SHANK2: variants seen among roughly 807,000 people sequenced by gnomAD.
SHANK2 encodes SH3 and multiple ankyrin repeat domains 2.
A neutral mutation model predicts 133.7 loss-of-function variants in SHANK2; 43 were observed. The ratio of observed to expected loss-of-function variants is 0.32; its 90% confidence interval spans 0.25 to 0.41. The LOEUF is 0.41. Among genes scored for constraint, SHANK2 ranks in the 10% least tolerant of loss-of-function variants. The probability of loss-of-function intolerance (pLI) is 1.00; values close to 1 mark genes in which losing one functional copy is unlikely to be tolerated. For synonymous variants in SHANK2, 1,017 were observed against 952.8 expected (o/e 1.07, Z -1.24); for missense variants, 1,994 against 2,235.8 (o/e 0.89, Z 2.18).
intron 11 of SHANK2, among the ~76,000 whole-genome samples, chr11:70,846,377 C>T (rs1339526844): frequency 2.6e-5 from 4 of 152,110 alleles, no homozygotes; most frequent in Non-Finnish European, 5.9e-5. Flanking sequence ...GATCCTCCTG[C>T]CTCGGCCTCC....
intron 17 of SHANK2, among the ~76,000 whole-genome samples, chr11:70,529,777 G>C (rs552446047): frequency 6.6e-6 from 1 of 152,256 alleles, no homozygotes; most frequent in Non-Finnish European, 1.5e-5. Context: ...CATGTGAAAG[G>C]AATCAGACAC....
chr11:70,908,461 G>A (rs1590820894), intron 10 of SHANK2, among the ~76,000 whole-genome samples: 1 of 152,220 alleles, frequency 6.6e-6, no homozygotes, highest in African/African-American at 2.4e-5. Flanking sequence ...CCTGTGCATG[G>A]GAGTGGCTGC....
At chr11:70,838,965 T>C (rs1275226019) in intron 11 of SHANK2, among the ~76,000 whole-genome samples, 1 of 152,182 alleles carries the variant, frequency 6.6e-6, no homozygotes, top group Non-Finnish European at 1.5e-5. Context: ...GCATCTCTAG[T>C]TCTGTCTGCT....
At chr11:70,913,835 G>C (rs782413895) in intron 10 of SHANK2, among the ~76,000 whole-genome samples, 4 of 152,108 alleles carry the variant, frequency 2.6e-5, no homozygotes, top group African/African-American at 4.8e-5. Context: ...CTGTGCTTCT[G>C]GTTCAATCAG....
chr11:71,110,016 G>A lies in SHANK2; in HGVS notation c.517C>T (p.His173Tyr). Residue 173 changes from histidine (H) to tyrosine (Y), a missense_variant, in exon 6 of 26, where the codon CAT becomes TAT. Coordinates refer to ENST00000601538, the MANE Select transcript of SHANK2 (RefSeq NM_012309.5). Reference protein sequence around the residue: ...NLKKCMDHIQHRLVEKITKML... With the variant: ...NLKKCMDHIQYRLVEKITKML... ...TTGGTGATCTTCTCCACCAAGCGAT[G>A]CTGAATGTGATCCATGCATTTCTTC... is the stretch of plus-strand genomic sequence containing the variant. 1.3e-6 allele frequency: 2 copies of A among 1,551,592 alleles called. No homozygotes were observed. The highest frequency in any genetic ancestry group is 1.7e-6 in the Non-Finnish European group (2 of 1,146,818).
At chr11:70,629,090 T>G (rs1471350858) in intron 17 of SHANK2, among the ~76,000 whole-genome samples, 1 of 152,188 alleles carries the variant, frequency 6.6e-6, no homozygotes, top group Non-Finnish European at 1.5e-5. Context: ...ACGTGCTCAC[T>G]GCAGCCTGAA....
At chr11:70,718,756 C>T (rs1555028196) in intron 14 of SHANK2, among the ~76,000 whole-genome samples, 1 of 137,106 alleles carries the variant, frequency 7.3e-6, no homozygotes. Context: ...GGACAGAAGC[C>T]CTCACCTTCC....
intron 23 of SHANK2, chr11:70,490,072 A>G (rs2058864149): frequency 2.2e-6 from 1 of 463,346 alleles, no homozygotes; most frequent in South Asian, 2.1e-5. Flanking sequence ...AGGGGGGATG[A>G]GTTTCATGCC....
chr11:71,222,056 C>A (rs1015977902), intron 2 of SHANK2, among the ~76,000 whole-genome samples: 10 of 152,040 alleles, frequency 6.6e-5, no homozygotes, highest in Admixed American at 5.2e-4. Flanking sequence ...TCTGGCTCAC[C>A]CTTCCCTGCA....
At chr11:70,671,309 C>T (rs1555016000) in intron 15 of SHANK2, among the ~76,000 whole-genome samples, 1 of 152,046 alleles carries the variant, frequency 6.6e-6, no homozygotes, top group African/African-American at 2.4e-5. Context: ...AGAATGCCGG[C>T]CTTGGAAGCT....
intron 13 of SHANK2, among the ~76,000 whole-genome samples, chr11:70,799,079 TC>T (rs1555049889): frequency 6.6e-6 from 1 of 152,128 alleles, no homozygotes; most frequent in Non-Finnish European, 1.5e-5. Context: ...GTCTGGATCT[TC>T]TAAACAAGCG....
At chr11:71,141,961 G>C (rs188027225) in intron 3 of SHANK2, among the ~76,000 whole-genome samples, 1 of 149,096 alleles carries the variant, frequency 6.7e-6, no homozygotes, top group South Asian at 2.1e-4. Flanking sequence ...AACCTCCAAC[G>C]GTCTCTGAGC....
At chr11:70,489,887 G>A (rs2058860406) in intron 23 of SHANK2, 2 of 313,750 alleles carry the variant, frequency 6.4e-6, no homozygotes, top group African/African-American at 4.3e-5. Flanking sequence ...TCCAGGCCTG[G>A]TGGTGGCTGG....
At chr11:71,091,908 A>T (rs1555094093) in intron 8 of SHANK2, among the ~76,000 whole-genome samples, 1 of 152,194 alleles carries the variant, frequency 6.6e-6, no homozygotes, top group Non-Finnish European at 1.5e-5. Flanking sequence ...TTCACTGGAG[A>T]CAGCCGGTGA....
At chr11:70,831,400 CA>C (rs1382865164) in intron 11 of SHANK2, among the ~76,000 whole-genome samples, 5 of 152,286 alleles carry the variant, frequency 3.3e-5, no homozygotes, top group African/African-American at 1.2e-4. Context: ...CTCAGCCACC[CA>C]ACCTGGCTCT....
intron 14 of SHANK2, among the ~76,000 whole-genome samples, chr11:70,784,936 T>G (rs78791152): frequency 0.041 from 6,227 of 152,306 alleles, 428 homozygotes; most frequent in African/African-American, 0.14. Context: ...CCCTGCAGGC[T>G]GAGCTGTCAG....
intron 12 of SHANK2, among the ~76,000 whole-genome samples, chr11:70,816,140 C>T (rs1281965721): frequency 2.0e-5 from 3 of 152,348 alleles, no homozygotes; most frequent in East Asian, 1.9e-4. Flanking sequence ...TCTGCAGAAC[C>T]GAAGACTGTC....
intron 11 of SHANK2, among the ~76,000 whole-genome samples, chr11:70,885,973 C>T (rs1331533383): frequency 6.6e-6 from 1 of 152,170 alleles, no homozygotes; most frequent in East Asian, 1.9e-4. Context: ...GCAACACGCA[C>T]GTGACCGACC....
At chr11:71,199,289 A>G (rs1591012485) in intron 2 of SHANK2, among the ~76,000 whole-genome samples, 1 of 152,268 alleles carries the variant, frequency 6.6e-6, no homozygotes, top group African/African-American at 2.4e-5. Context: ...CACAGAAGTC[A>G]GCCTCTGCAG....
Sources: allele counts gnomAD v4.1 joint callset (sites outside exome capture counted in the v4.1 genomes callset), GRCh38; gene constraint gnomAD v4.1.1; transcripts MANE v1.5; gene names NCBI Gene and HGNC (gene_info 2026-07-23, HGNC 2026-07-21).